The following TSPAN18 variants were observed in gnomAD, a reference collection of about 807,000 sequenced individuals.
The protein encoded by TSPAN18 is tetraspanin 18, also known as tetraspanin-18.
In TSPAN18, 14 loss-of-function variants were observed where a neutral mutation model predicts 27.3. The ratio of observed to expected loss-of-function variants is 0.51; its 90% CI spans 0.34 to 0.80. The LOEUF is 0.80. Among genes scored for constraint, TSPAN18 ranks in the 30% least tolerant of loss-of-function variants. TSPAN18 has a pLI of 0.01. For missense variants in TSPAN18, 268 were observed against 323.9 expected, an observed-to-expected ratio of 0.83 and a Z score of 1.32; for synonymous variants, 143 against 136.5, an observed-to-expected ratio of 1.05 and a Z score of -0.33.
chr11:44,867,517 G>A (rs1858073767), intron 3 of TSPAN18, among the ~76,000 whole-genome samples: 1 of 140,702 alleles, frequency 7.1e-6, no homozygotes, highest in Non-Finnish European at 1.5e-5. Context: ...TCCTGCCTCA[G>A]TCTCCTGAGT....
intron 4 of TSPAN18, among the ~76,000 whole-genome samples, chr11:44,907,173 C>G (rs1859484705): frequency 6.6e-6 from 1 of 152,194 alleles, no homozygotes; most frequent in Non-Finnish European, 1.5e-5. Flanking sequence ...GGCCGGCCCA[C>G]CTGCTGGCGG....
At chr11:44,784,914 C>A (rs866093486) in intron 2 of TSPAN18, among the ~76,000 whole-genome samples, 1 of 152,170 alleles carries the variant, frequency 6.6e-6, no homozygotes, top group Non-Finnish European at 1.5e-5. Context: ...AAGGCGACTG[C>A]ACTACTAAGT....
intron 2 of TSPAN18, among the ~76,000 whole-genome samples, chr11:44,808,511 A>C (rs1056434346): frequency 2.0e-5 from 3 of 152,210 alleles, no homozygotes; most frequent in Admixed American, 2.0e-4. Context: ...ACATGGGATC[A>C]TCACCTGATC....
intron 2 of TSPAN18, among the ~76,000 whole-genome samples, chr11:44,773,271 C>A (rs1272849439): frequency 2.6e-5 from 4 of 151,890 alleles, no homozygotes; most frequent in Non-Finnish European, 5.9e-5. Flanking sequence ...ATAAAATTAG[C>A]CGGGCGTGGT....
At chr11:44,925,188 G>A (rs901819307) in intron 8 of TSPAN18, among the ~76,000 whole-genome samples, 1 of 152,218 alleles carries the variant, frequency 6.6e-6, no homozygotes, top group East Asian at 1.9e-4. Context: ...TCAAAGCCTG[G>A]CCACAGCCTG....
chr11:44,732,944 T>C lies in TSPAN18; in HGVS notation c.-240+5657T>C, dbSNP rs182784835. ...CACACGGTCACTCAGGGACCCAGGCTCCAAAGATGATGACTCCACCATCTT... is the reference window on the plus strand; with the variant it reads ...CACACGGTCACTCAGGGACCCAGGCCCCAAAGATGATGACTCCACCATCTT... On this transcript the variant is annotated intron_variant, in intron 1 of 9. Transcript: ENST00000520358. Among the ~76,000 whole-genome samples the C allele has an allele frequency of 2.0e-4, 30 of 152,276 alleles. No homozygotes were observed. In the East Asian group the frequency reaches 5.6e-3, roughly 28 times the overall value.
At chr11:44,733,027 G>T (rs762318085) in intron 1 of TSPAN18, among the ~76,000 whole-genome samples, 1 of 152,176 alleles carries the variant, frequency 6.6e-6, no homozygotes, top group Non-Finnish European at 1.5e-5. Flanking sequence ...GGGGAAGAGG[G>T]AGAAGGGAAA....
intron 3 of TSPAN18, among the ~76,000 whole-genome samples, chr11:44,871,781 G>A (rs115559138): frequency 6.2e-4 from 94 of 152,300 alleles, no homozygotes; most frequent in African/African-American, 2.2e-3. Context: ...GCTCATGCCT[G>A]CACACCTGCC....
chr11:44,881,462 T>G (rs1474892434), intron 3 of TSPAN18, among the ~76,000 whole-genome samples: 1 of 152,184 alleles, frequency 6.6e-6, no homozygotes, highest in Non-Finnish European at 1.5e-5. Context: ...ACTCAAGAAG[T>G]TGAGCAAAGA....
intron 3 of TSPAN18, among the ~76,000 whole-genome samples, chr11:44,863,642 C>T (rs1163935158): frequency 6.6e-6 from 1 of 152,212 alleles, no homozygotes; most frequent in Non-Finnish European, 1.5e-5. Context: ...TGGGTCCCTG[C>T]TGCACTACTG....
chr11:44,804,207 G>A (rs917517780), intron 2 of TSPAN18, among the ~76,000 whole-genome samples: 7 of 152,044 alleles, frequency 4.6e-5, no homozygotes, highest in African/African-American at 7.2e-5. Context: ...GGGTTCAAGC[G>A]ATTCTCCTGC....
chr11:44,799,667 G>T (rs1458860880), intron 2 of TSPAN18, among the ~76,000 whole-genome samples: 3 of 152,168 alleles, frequency 2.0e-5, no homozygotes, highest in African/African-American at 7.2e-5. Context: ...CATGAGGTAG[G>T]TGCTACTATT....
intron 4 of TSPAN18, among the ~76,000 whole-genome samples, chr11:44,908,072 G>GAAA (rs1859524120): frequency 3.2e-5 from 3 of 92,482 alleles, no homozygotes; most frequent in African/African-American, 8.7e-5. Flanking sequence ...AAAAAAAAAG[G>GAAA]AGAGAGACAC....
chr11:44,786,869 T>C (rs1856070975), intron 2 of TSPAN18, among the ~76,000 whole-genome samples: 1 of 152,050 alleles, frequency 6.6e-6, no homozygotes, highest in African/African-American at 2.4e-5. Context: ...TGACCTCAAG[T>C]GATCTGCCCA....
At chr11:44,849,988 T>C (rs1043743522) in intron 2 of TSPAN18, among the ~76,000 whole-genome samples, 1 of 152,178 alleles carries the variant, frequency 6.6e-6, no homozygotes, top group African/African-American at 2.4e-5. Context: ...ATGGGGTCTC[T>C]CCTGACTGGC....
At chr11:44,839,498 T>C (rs1027568585) in intron 2 of TSPAN18, among the ~76,000 whole-genome samples, 4 of 152,122 alleles carry the variant, frequency 2.6e-5, no homozygotes, top group Admixed American at 6.5e-5. Flanking sequence ...TCCTCCTGTC[T>C]TCCTCTGTCC....
chr11:44,790,757 C>G (rs1856199578), intron 2 of TSPAN18, among the ~76,000 whole-genome samples: 1 of 152,196 alleles, frequency 6.6e-6, no homozygotes, highest in African/African-American at 2.4e-5. Flanking sequence ...AGAATCCTCC[C>G]TCTCCCTCTG....
At chr11:44,919,767 CCT>C in intron 7 of TSPAN18, 48 bp from the exon 8 acceptor site, 1 of 1,579,896 alleles carries the variant, frequency 6.3e-7, no homozygotes, top group Non-Finnish European at 8.7e-7. Context: ...TGTCCCCGCC[CCT>C]GTGTCCTCCT....
chr11:44,897,780 C>G, intron 3 of TSPAN18: 1 of 1,289,334 alleles, frequency 7.8e-7, no homozygotes, highest in Non-Finnish European at 1.0e-6. Flanking sequence ...TATACACAAG[C>G]CTCGCTGACG....
Sources: allele counts gnomAD v4.1 joint callset (sites outside exome capture counted in the v4.1 genomes callset), GRCh38; gene constraint gnomAD v4.1.1; transcripts MANE v1.5; gene names NCBI Gene and HGNC (gene_info 2026-07-23, HGNC 2026-07-21).